C11orf71: variants seen among roughly 807,000 people sequenced by gnomAD.
The protein encoded by C11orf71 is uncharacterized protein C11orf71.
For synonymous variants in C11orf71, 72 were observed against 73.4 expected (o/e 0.98, Z 0.09); for missense variants, 179 against 167.6 (o/e 1.07, Z -0.38).
Position 114,399,858 on chromosome 11 carries a change from CA to C in C11orf71, c.*101del. On this transcript the variant is annotated 3_prime_UTR_variant, in exon 1 of 1. Coordinates refer to ENST00000623205, the MANE Select transcript of C11orf71 (RefSeq NM_001271562.2). Reference sequence around the variant, plus strand: ...AACTCCCACGTATTAAATGAAAATACATCCATCTAAAAATAAAACAACACGA... The same window carrying C: ...AACTCCCACGTATTAAATGAAAATACTCCATCTAAAAATAAAACAACACGA... 1 of 1,398,354 alleles carries C rather than the reference CA, an allele frequency of 7.2e-7. No homozygotes were observed. Among genetic ancestry groups the C allele is most frequent in the South Asian group, 1.5e-5 (1 of 66,254 alleles). The allele number at this position is 1,398,354 out of a possible 1,614,324, so 86.6% of individuals were successfully genotyped here. A position where few individuals can be genotyped will look rare whatever the true frequency, so the allele number is the denominator to read the frequency against.
chr11:114,400,009 T>G lies in C11orf71; in HGVS notation c.323A>C (p.Gln108Pro). ...AACACCTCCTAATGCAATCAAACGC[T>G]GTTGCAGCACACTTCTTAGGAGATC... The part of the protein sequence containing the change: ...EPDLLRSVLQ[Q>P]RLIALGGVIA... The change falls in exon 1 of 1, where the codon CAG (glutamine) becomes CCG (proline). Residue 108 changes from glutamine to proline, a missense_variant. Coordinates refer to ENST00000623205, the MANE Select transcript of C11orf71 (RefSeq NM_001271562.2). The G allele has an allele frequency of 6.2e-7, 1 of 1,613,640 alleles. No homozygotes were observed. The highest frequency in any genetic ancestry group is 8.5e-7 in the Non-Finnish European group (1 of 1,179,548).
downstream of C11orf71, among the ~76,000 whole-genome samples, chr11:114,394,289 C>CTT (rs1565256802): frequency 1.6e-5 from 1 of 62,662 alleles, no homozygotes; most frequent in Non-Finnish European, 3.2e-5. Flanking sequence ...TTTCTTTTCT[C>CTT]TTATTTTCTT....
chr11:114,394,236 T>TCTTTTCTTTC (rs1946103882), downstream of C11orf71, among the ~76,000 whole-genome samples: 1 of 52,642 alleles, frequency 1.9e-5, no homozygotes, highest in Non-Finnish European at 2.9e-5. Flanking sequence ...TTCTTTCTTT[T>TCTTTTCTTTC]CTTTTCTTTT....
chr11:114,394,441 C>G (rs1483335192), downstream of C11orf71, among the ~76,000 whole-genome samples: 1 of 151,844 alleles, frequency 6.6e-6, no homozygotes, highest in Non-Finnish European at 1.5e-5. Context: ...ATTACAGGCA[C>G]CTGCCACCAC....
Position 114,400,223 on chromosome 11 carries a change from A to T in C11orf71, c.109T>A (p.Ser37Thr). The change falls in exon 1 of 1, where the codon TCC becomes ACC. Residue 37 changes from serine (S) to threonine (T), a missense_variant. Ser to Thr is a moderately conservative substitution (Grantham distance 58). Coordinates refer to ENST00000623205, the MANE Select transcript of C11orf71 (RefSeq NM_001271562.2). The stretch of plus-strand genomic sequence containing the variant: ...CTGGAAACGAGGAAGCCGTCTCCGG[A>T]GACCATCGCCAACGCTGACGCCCGC... ...RPRASALAMV[S>T]GDGFLVSRPE... 6.2e-7 allele frequency: 1 copy of T among 1,612,630 alleles called. No homozygotes were observed. The highest frequency in any genetic ancestry group is 8.5e-7 in the Non-Finnish European group (1 of 1,179,394).
At chr11:114,397,688 T>C (rs1293362552), downstream of C11orf71, among the ~76,000 whole-genome samples, 1 of 152,206 alleles carries the variant, frequency 6.6e-6, no homozygotes, top group African/African-American at 2.4e-5. Flanking sequence ...TTGTGTACTT[T>C]TGTTCCTTCA....
At chr11:114,397,205 ATTGT>A (rs1946136421), downstream of C11orf71, among the ~76,000 whole-genome samples, 4 of 152,218 alleles carry the variant, frequency 2.6e-5, no homozygotes, top group Non-Finnish European at 5.9e-5. Flanking sequence ...CAGAAGTATA[ATTGT>A]TTGGGACAAT....
intron 1 of C11orf71, among the ~76,000 whole-genome samples, chr11:114,392,023 A>T (rs1442949115): frequency 2.0e-5 from 3 of 152,102 alleles, no homozygotes; most frequent in Admixed American, 2.0e-4. Flanking sequence ...AGTTAAACCA[A>T]GGGTGTTTAA....
chr11:114,394,229 T>TTTTC (rs1565256506), downstream of C11orf71, among the ~76,000 whole-genome samples: 2 of 5,054 alleles, frequency 4.0e-4, no homozygotes, highest in East Asian at 0.017. Flanking sequence ...TTTTCTTTTC[T>TTTTC]TTCTTTTCTT....
At chr11:114,394,081 G>A (rs1019907422), downstream of C11orf71, among the ~76,000 whole-genome samples, 1 of 151,804 alleles carries the variant, frequency 6.6e-6, no homozygotes, top group Admixed American at 6.6e-5. Context: ...CCGGGTTCAC[G>A]CCATTCTCCT....
downstream of C11orf71, among the ~76,000 whole-genome samples, chr11:114,394,228 C>CTTTCCTTTCCTTTCTTTTCTTTTCT (rs1946102532): frequency 1.5e-3 from 73 of 48,698 alleles, 2 homozygotes; most frequent in Non-Finnish European, 1.9e-3. Context: ...CTTTTCTTTT[C>CTTTCCTTTCCTTTCTTTTCTTTTCT]TTTCTTTTCT....
Position 114,400,081 on chromosome 11 carries a change from C to G in C11orf71, c.251G>C (p.Ser84Thr), listed in dbSNP as rs756881794. Residue 84 changes from serine to threonine, a missense_variant, in exon 1 of 1, where the codon AGC becomes ACC. Transcript: ENST00000623205. The part of the protein sequence containing the change: ...SPREPDGRGR[S>T]RQARFSPYPI... ...GTAAGGTGAGAATCTGGCTTGGCGG[C>G]TCCGGCCCCGGCCATCTGGTTCCCT... 4.3e-6 allele frequency: 7 copies of G among 1,613,910 alleles called. No homozygotes were observed. The South Asian group carries it at 7.7e-5, about 18-fold the overall frequency.
At chr11:114,394,229 T>TTTCTTTTCTTTTCTTTTC (rs1946103110), downstream of C11orf71, among the ~76,000 whole-genome samples, 1 of 5,054 alleles carries the variant, frequency 2.0e-4, no homozygotes, top group African/African-American at 1.7e-3. Flanking sequence ...TTTTCTTTTC[T>TTTCTTTTCTTTTCTTTTC]TTCTTTTCTT....
rs1946179773 is a variant in C11orf71, at chr11:114,400,482, G to A, written c.-151C>T. ...CTGCGGAAGAGCCAGAAGCCGCCTT[G>A]CCTTTAACGAGGGGTATCCTGGCGA... On this transcript the variant is annotated 5_prime_UTR_variant, in exon 1 of 1. Coordinates refer to ENST00000623205, the MANE Select transcript of C11orf71 (RefSeq NM_001271562.2). 7.8e-7 allele frequency: 1 copy of A among 1,289,844 alleles called. No homozygotes were observed. The allele number at this position is 1,289,844 out of a possible 1,614,324, so 79.9% of individuals were successfully genotyped here.
At position 114,399,123 on chromosome 11, in the gene C11orf71, T is replaced by C. The variant is rs1946154479; in HGVS notation, c.*837A>G. On this transcript the variant is annotated 3_prime_UTR_variant, in exon 1 of 1. Coordinates refer to ENST00000623205, the MANE Select transcript of C11orf71 (RefSeq NM_001271562.2). The stretch of plus-strand genomic sequence containing the variant: ...ACTGTACCTAATAAACAGCCCAGCG[T>C]GGTGATTCCTATTCACTTAGTAGCC... 6.6e-6 allele frequency: 1 copy of C among 151,630 alleles called. No individual in the cohort carries two copies. Among genetic ancestry groups the C allele is most frequent in the African/African-American group, 2.4e-5 (1 of 41,324 alleles). 9.4% of individuals were successfully genotyped at this position (151,630 alleles called of 1,614,324 possible).
Position 114,400,492 on chromosome 11 carries a change from A to G in C11orf71, c.-161T>C, listed in dbSNP as rs944179112. 6 of 1,270,170 alleles carry G rather than the reference A, an allele frequency of 4.7e-6. No individual in the cohort carries two copies. Among genetic ancestry groups the G allele is most frequent in the Non-Finnish European group, 6.4e-6 (6 of 933,998 alleles). 78.7% of individuals were successfully genotyped at this position (1,270,170 alleles called of 1,614,324 possible). On this transcript the variant is annotated 5_prime_UTR_variant, in exon 1 of 1. Transcript: ENST00000623205. ...GCCAGAAGCCGCCTTGCCTTTAACG[A>G]GGGGTATCCTGGCGAGCATGCGCAG...
downstream of C11orf71, among the ~76,000 whole-genome samples, chr11:114,394,710 G>A (rs1946117613): frequency 1.3e-5 from 2 of 151,930 alleles, no homozygotes; most frequent in South Asian, 4.2e-4. Flanking sequence ...GCCCAGCCAG[G>A]TATTGACTTT....
chr11:114,394,704 A>G (rs533092993), downstream of C11orf71, among the ~76,000 whole-genome samples: 1 of 152,162 alleles, frequency 6.6e-6, no homozygotes, highest in East Asian at 1.9e-4. Flanking sequence ...CACCACGCCC[A>G]GCCAGGTATT....
chr11:114,394,293 T>C (rs1449403580), downstream of C11orf71, among the ~76,000 whole-genome samples: 3 of 29,382 alleles, frequency 1.0e-4, 1 homozygote, highest in African/African-American at 7.9e-4. Flanking sequence ...TTTTCTCTTA[T>C]TTTCTTTTCT....
Sources: allele counts gnomAD v4.1 joint callset (sites outside exome capture counted in the v4.1 genomes callset), GRCh38; gene constraint gnomAD v4.1.1; transcripts MANE v1.5; gene names NCBI Gene and HGNC (gene_info 2026-07-23, HGNC 2026-07-21).